The following ATXN1 variants were observed in gnomAD, a reference collection of about 807,000 sequenced individuals.
ATXN1 encodes the protein ataxin-1.
A neutral mutation model predicts 56.4 loss-of-function variants in ATXN1; 8 were observed. That is an observed-to-expected ratio of 0.14 (90% CI 0.08 to 0.26). The LOEUF is 0.26. Ranked by LOEUF, ATXN1 falls within the 10% of genes least tolerant of loss-of-function variation. ATXN1 has a pLI of 1.00. For synonymous variants in ATXN1, 514 were observed against 494.6 expected, an observed-to-expected ratio of 1.04 and a Z score of -0.52; for missense variants, 987 against 1,106.5, an observed-to-expected ratio of 0.89 and a Z score of 1.53.
chr6:16,702,269 AC>A (rs1759302335), intron 2 of ATXN1, among the ~76,000 whole-genome samples: 2 of 152,324 alleles, frequency 1.3e-5, no homozygotes, highest in Admixed American at 1.3e-4. Context: ...TGCTGGGAAA[AC>A]TGGCTAGCCA....
intron 7 of ATXN1, among the ~76,000 whole-genome samples, chr6:16,323,525 CAAAAAAAAAAAAAAAA>C (rs35308265): frequency 3.7e-4 from 18 of 48,846 alleles, no homozygotes; most frequent in Admixed American, 9.1e-4. Context: ...ACTCTGTCTC[CAAAAAAAAAAAAAAAA>C]AAAAAAAAAA....
intron 7 of ATXN1, among the ~76,000 whole-genome samples, chr6:16,325,381 G>C (rs1407363613): frequency 6.6e-6 from 1 of 152,038 alleles, no homozygotes; most frequent in Non-Finnish European, 1.5e-5. Context: ...GCCTCCCAAA[G>C]TGCTGGGATT....
Position 16,327,694 on chromosome 6 carries a change from T to A in ATXN1, c.617A>T (p.Gln206Leu), listed in dbSNP as rs1292748920. 1.9e-6 allele frequency: 3 copies of A among 1,593,198 alleles called. No individual in the cohort carries two copies. The highest frequency in any genetic ancestry group is 2.6e-6 in the Non-Finnish European group (3 of 1,173,744). ...CTGCTGCTGATGCTGATGCTGCTGC[T>A]GCTGCTGCTGCTGCTGCTGCTGCTG... ...EQQQQQQQQQ[Q>L]QQHQHQQQQQ... Residue 206 changes from glutamine (Q) to leucine (L), a missense_variant, in exon 7 of 8, where the codon CAG (glutamine) becomes CTG (leucine). Gln to Leu is a moderately radical substitution (Grantham distance 113). Around this residue, in one of 3 missense-constraint regions of ATXN1, gnomAD observed 723 missense variants for 791.7 expected, o/e 0.91. Coordinates refer to ENST00000436367, the MANE Select transcript of ATXN1 (RefSeq NM_001128164.2).
chr6:16,459,749 T>G (rs150470423), intron 6 of ATXN1, among the ~76,000 whole-genome samples: 285 of 152,294 alleles, frequency 1.9e-3, no homozygotes, highest in Non-Finnish European at 3.6e-3. Flanking sequence ...ATCTGTTTGG[T>G]CAGGCACTGT....
At chr6:16,571,357 CTT>C (rs200138680) in intron 4 of ATXN1, among the ~76,000 whole-genome samples, 83 of 152,248 alleles carry the variant, frequency 5.5e-4, no homozygotes, top group Middle Eastern at 3.4e-3. Context: ...TAAAAAGAGT[CTT>C]TATTCTGCCA....
intron 5 of ATXN1, among the ~76,000 whole-genome samples, chr6:16,508,480 T>C (rs1033311340): frequency 6.6e-6 from 1 of 152,186 alleles, no homozygotes; most frequent in Non-Finnish European, 1.5e-5. Flanking sequence ...TGAACTTCTA[T>C]GGTATAATGC....
chr6:16,529,083 G>A (rs1050982618), intron 4 of ATXN1, among the ~76,000 whole-genome samples: 2 of 151,720 alleles, frequency 1.3e-5, no homozygotes, highest in African/African-American at 2.4e-5. Flanking sequence ...GGAGGCTGAG[G>A]CAGGAGAATT....
intron 4 of ATXN1, among the ~76,000 whole-genome samples, chr6:16,563,804 T>A (rs1342803875): frequency 6.8e-6 from 1 of 147,960 alleles, no homozygotes; most frequent in Non-Finnish European, 1.5e-5. Flanking sequence ...ATGACGCCGC[T>A]GCACTCAGAC....
intron 6 of ATXN1, among the ~76,000 whole-genome samples, chr6:16,476,069 C>T (rs1208617272): frequency 2.0e-5 from 3 of 152,124 alleles, no homozygotes; most frequent in Non-Finnish European, 4.4e-5. Context: ...GATAAGGTTT[C>T]ACCATGTTGG....
intron 2 of ATXN1, among the ~76,000 whole-genome samples, chr6:16,744,829 A>G (rs1163793293): frequency 6.6e-6 from 1 of 152,210 alleles, no homozygotes; most frequent in Non-Finnish European, 1.5e-5. Flanking sequence ...CAAGTAGAAG[A>G]AAAGAGAGGC....
chr6:16,409,207 C>T lies in ATXN1; in HGVS notation c.-161+76765G>A, dbSNP rs141461294. On this transcript the variant is annotated intron_variant, in intron 6 of 7. Transcript: ENST00000436367. ...TTCTAAAACTTACTCAGTTTTGCCCCGATATTTATACATCAGCAGGAGATG... is the reference window on the plus strand; with the variant it reads ...TTCTAAAACTTACTCAGTTTTGCCCTGATATTTATACATCAGCAGGAGATG... Among the ~76,000 whole-genome samples, 499 of 152,018 alleles carry T rather than the reference C, an allele frequency of 3.3e-3. 5 individuals carry two copies. The highest frequency in any genetic ancestry group is 0.011 in the African/African-American group (471 of 41,452).
In ATXN1 at chr6:16,522,963, T is replaced by C. The variant is rs567729103; in HGVS notation, c.-360-275A>G. 5.9e-5 allele frequency among the ~76,000 whole-genome samples: 9 copies of C among 152,346 alleles called. No individual in the cohort carries two copies. In the South Asian group the frequency reaches 1.9e-3, roughly 32 times the overall value. ...TATGGTCCTTGTGACAAGGAGTCCA[T>C]ATTGTGGTGCCCAAGAAATCAATTT... On this transcript the variant is annotated intron_variant, in intron 4 of 7. Coordinates refer to ENST00000436367, the MANE Select transcript of ATXN1 (RefSeq NM_001128164.2).
intron 4 of ATXN1, among the ~76,000 whole-genome samples, chr6:16,566,593 A>C (rs146753713): frequency 0.036 from 5,495 of 152,056 alleles, 125 homozygotes; most frequent in Middle Eastern, 0.088. Flanking sequence ...GTGGCTCACG[A>C]CTGTAATCCC....
At chr6:16,430,681 T>C (rs890748458) in intron 6 of ATXN1, among the ~76,000 whole-genome samples, 11 of 152,068 alleles carry the variant, frequency 7.2e-5, no homozygotes, top group Admixed American at 6.5e-4. Context: ...ATGGCGATGA[T>C]AGGGGTGCAG....
chr6:16,722,228 G>C (rs564949843), intron 2 of ATXN1, among the ~76,000 whole-genome samples: 1 of 152,316 alleles, frequency 6.6e-6, no homozygotes, highest in African/African-American at 2.4e-5. Context: ...GGGGGCGGCT[G>C]TAAGCCAGGC....
intron 5 of ATXN1, among the ~76,000 whole-genome samples, chr6:16,497,601 C>T (rs551266543): frequency 1.3e-4 from 20 of 152,312 alleles, no homozygotes; most frequent in Admixed American, 2.6e-4. Context: ...TGCTGGGAAA[C>T]GCCGTGCAAG....
intron 7 of ATXN1, among the ~76,000 whole-genome samples, chr6:16,323,221 C>T (rs1435261517): frequency 1.3e-5 from 2 of 152,090 alleles, no homozygotes; most frequent in East Asian, 3.9e-4. Flanking sequence ...TCCCCAAGAA[C>T]AGAAGAGGGC....
At chr6:16,753,370 G>C (rs1332790436) in intron 1 of ATXN1, 23 bp from the exon 2 acceptor site, 2 of 456,554 alleles carry the variant, frequency 4.4e-6, no homozygotes, top group South Asian at 3.1e-5. Flanking sequence ...AGGGAGTGCA[G>C]GAGAGGAAAT....
chr6:16,411,478 A>T (rs142862205), intron 6 of ATXN1, among the ~76,000 whole-genome samples: 112 of 152,224 alleles, frequency 7.4e-4, no homozygotes, highest in African/African-American at 2.6e-3. Context: ...AACTGGAAAA[A>T]GTTTATATCT....
Sources: gnomAD v4.1 joint callset for allele counts (sites outside exome capture counted in the v4.1 genomes callset) on GRCh38, gnomAD v4.1.1 for gene constraint, gnomAD v4.1.1 regional missense constraint, MANE v1.5 for transcripts, NCBI Gene and HGNC (gene_info 2026-07-23, HGNC 2026-07-21) for gene names.